USP9X: variants seen among roughly 807,000 people sequenced by gnomAD.
USP9X encodes the protein ubiquitin specific peptidase 9 X-linked.
USP9X carries 7 observed loss-of-function variants against 190.3 expected under a neutral mutation model. That is an observed-to-expected ratio of 0.04 (90% CI 0.02 to 0.07). The LOEUF (loss-of-function observed/expected upper bound fraction) is 0.07, where lower values mean the gene tolerates loss of function less well. USP9X is among the 10% of genes least tolerant of loss of function. The probability of loss-of-function intolerance (pLI) is 1.00; values close to 1 mark genes in which losing one functional copy is unlikely to be tolerated. For synonymous variants in USP9X, 645 were observed against 659.5 expected, an observed-to-expected ratio of 0.98 and a Z score of 0.34; for missense variants, 1,010 against 1,916.9, an observed-to-expected ratio of 0.53 and a Z score of 8.83.
At chrX:41,205,280 T>G (rs773537062) in intron 31 of USP9X, 23 bp from the exon 32 acceptor site, 3 of 1,128,027 alleles carry the variant, frequency 2.7e-6, no homozygotes, top group Admixed American at 2.7e-5. Context: ...TTTAGCTCAT[T>G]GGTGACATTT....
Position 41,093,199 on chromosome X carries a change from T to C in USP9X, c.-159+7090T>C, listed in dbSNP as rs115521115. Among the ~76,000 whole-genome samples, 574 of 111,973 alleles carry C rather than the reference T, an allele frequency of 5.1e-3. 3 individuals carry two copies. The highest frequency in any genetic ancestry group is 0.017 in the African/African-American group (525 of 30,811). On this transcript the variant is annotated intron_variant, in intron 1 of 44. Transcript: ENST00000378308. ...TTGATACACTATATGTTAACAACTC[T>C]GAACCTCCTTTCCTTAAGTCAGGTT... is the stretch of plus-strand genomic sequence containing the variant.
chrX:41,166,724 A>G (rs768598380), intron 16 of USP9X, among the ~76,000 whole-genome samples: 1 of 112,094 alleles, frequency 8.9e-6, no homozygotes, highest in Non-Finnish European at 1.9e-5. Context: ...TATTATGCCT[A>G]TCTTTAATCT....
intron 21 of USP9X, among the ~76,000 whole-genome samples, chrX:41,172,825 T>C (rs1030621726): frequency 8.9e-6 from 1 of 112,048 alleles, no homozygotes; most frequent in Non-Finnish European, 1.9e-5. Context: ...TTTGAAAATA[T>C]ATTCCTTCTG....
rs759736260 is a variant in USP9X, at chrX:41,232,477, T to G, written c.7618T>G (p.Tyr2540Asp). The change falls in exon 45 of 45, where the codon TAT becomes GAT. Residue 2540 changes from tyrosine to aspartate, a missense_variant. Physicochemically the swap from Tyr to Asp is radical, Grantham distance 160. Coordinates refer to ENST00000378308, the MANE Select transcript of USP9X (RefSeq NM_001039591.3). ...AACTGGCCAACGAGCACAAGAAAAT[T>G]ATGAAGGCAGTGAAGAAGTATCCCC... The part of the protein sequence containing the change: ...QRTGQRAQEN[Y>D]EGSEEVSPPQ... 6.6e-6 allele frequency: 8 copies of G among 1,211,209 alleles called. No homozygotes were observed. In the South Asian group the frequency reaches 1.4e-4, roughly 21 times the overall value.
At chrX:41,117,573 C>T (rs866491775) in intron 1 of USP9X, among the ~76,000 whole-genome samples, 5 of 77,989 alleles carry the variant, frequency 6.4e-5, no homozygotes, top group African/African-American at 1.6e-4. Context: ...TTTTTTTTTT[C>T]TTCTTCTTTT....
chrX:41,232,659 T>A lies in USP9X; in HGVS notation c.*135T>A. 1.1e-6 allele frequency: 1 copy of A among 877,450 alleles called. No individual in the cohort carries two copies. The highest frequency in any genetic ancestry group is 1.5e-6 in the Non-Finnish European group (1 of 645,645). The allele number at this position is 877,450 out of a possible 1,213,427, so 72.3% of individuals were successfully genotyped here. A position where few individuals can be genotyped will look rare whatever the true frequency, so the allele number is the denominator to read the frequency against. On this transcript the variant is annotated 3_prime_UTR_variant, in exon 45 of 45. Coordinates refer to ENST00000378308, the MANE Select transcript of USP9X (RefSeq NM_001039591.3). ...CATGGAGTGGAGAGTTTATTCACTG[T>A]CTTATCTGCAGAAATTTGCTGTCAA...
At chrX:41,125,705 C>T (rs1285299755) in intron 2 of USP9X, among the ~76,000 whole-genome samples, 3 of 103,700 alleles carry the variant, frequency 2.9e-5, no homozygotes, top group Admixed American at 2.0e-4. Context: ...CTCTCTCTCT[C>T]TCTCTCTCTC....
intron 11 of USP9X, among the ~76,000 whole-genome samples, chrX:41,146,943 A>G (rs1405619450): frequency 1.1e-4 from 12 of 110,733 alleles, no homozygotes; most frequent in Non-Finnish European, 2.3e-4. Context: ...TCTACCTAAA[A>G]AACAATAATT....
intron 38 of USP9X, among the ~76,000 whole-genome samples, chrX:41,222,700 G>T (rs2063275231): frequency 9.0e-6 from 1 of 110,746 alleles, no homozygotes. Flanking sequence ...GGCAGATCAT[G>T]AGGTCAAGAT....
At chrX:41,139,997 C>G (rs1012888437) in intron 6 of USP9X, among the ~76,000 whole-genome samples, 1 of 111,973 alleles carries the variant, frequency 8.9e-6, no homozygotes, top group Admixed American at 9.5e-5. Context: ...AGCCTCACAA[C>G]TGTTGTCTGT....
intron 2 of USP9X, among the ~76,000 whole-genome samples, chrX:41,125,718 TCGCGCA>T (rs1465164839): frequency 1.0e-5 from 1 of 99,194 alleles, no homozygotes; most frequent in Non-Finnish European, 2.0e-5. Context: ...TCTCTCTCTC[TCGCGCA>T]CGCGCGCGCG....
intron 14 of USP9X, among the ~76,000 whole-genome samples, chrX:41,159,602 A>G (rs1345787073): frequency 9.2e-6 from 1 of 109,263 alleles, no homozygotes; most frequent in Non-Finnish European, 1.9e-5. Context: ...CCAGCTCGGC[A>G]CACTGCAACC....
At chrX:41,168,789 C>G (rs1030140564) in intron 18 of USP9X, among the ~76,000 whole-genome samples, 8 of 112,017 alleles carry the variant, frequency 7.1e-5, no homozygotes, top group Middle Eastern at 4.7e-3. Flanking sequence ...AGCTACAGTG[C>G]CTGGCCTGTA....
At chrX:41,184,370 C>T in intron 22 of USP9X, 27 bp from the exon 23 acceptor site, 1 of 1,161,059 alleles carries the variant, frequency 8.6e-7, no homozygotes, top group Non-Finnish European at 1.2e-6. Flanking sequence ...TAATACAGCC[C>T]TCTCCCCCTC....
chrX:41,123,856 A>G (rs1344680438), intron 2 of USP9X, 132 bp downstream of exon 2: 2 of 547,516 alleles, frequency 3.7e-6, no homozygotes, highest in East Asian at 7.8e-5. Flanking sequence ...CAGCCTGGTC[A>G]ACAGGGTGGA....
rs1285915418 is a variant in USP9X, at chrX:41,091,368, GT to G, written c.-159+5260del. 4.5e-5 allele frequency among the ~76,000 whole-genome samples: 5 copies of G among 111,593 alleles called. No homozygotes were observed. In the East Asian group the frequency reaches 1.4e-3, roughly 31 times the overall value. On this transcript the variant is annotated intron_variant, in intron 1 of 44. Coordinates refer to ENST00000378308, the MANE Select transcript of USP9X (RefSeq NM_001039591.3). Reference sequence around the variant, plus strand: ...TTTTGACCAGAAATTACATACTCTGGTGTCACCCCTTACTCCTGCCATTCCT... The same window carrying G: ...TTTTGACCAGAAATTACATACTCTGGGTCACCCCTTACTCCTGCCATTCCT...
intron 1 of USP9X, 93 bp downstream of exon 1, chrX:41,086,202 T>C (rs767284795): frequency 8.3e-5 from 24 of 288,336 alleles, no homozygotes; most frequent in African/African-American, 6.6e-4. Context: ...TGTGCGTGTG[T>C]GCGAGCCTCT....
At chrX:41,103,578 G>A (rs1020589672) in intron 1 of USP9X, among the ~76,000 whole-genome samples, 2 of 112,029 alleles carry the variant, frequency 1.8e-5, no homozygotes, top group Admixed American at 9.5e-5. Flanking sequence ...CATCTGTCAC[G>A]TTATATTAAT....
At chrX:41,093,430 C>T (rs1248869657) in intron 1 of USP9X, among the ~76,000 whole-genome samples, 2 of 112,018 alleles carry the variant, frequency 1.8e-5, no homozygotes, top group Non-Finnish European at 3.8e-5. Context: ...CCACAACCTC[C>T]GCCTCCTGGG....
Sources: allele counts gnomAD v4.1 joint callset (sites outside exome capture counted in the v4.1 genomes callset), GRCh38; gene constraint gnomAD v4.1.1; transcripts MANE v1.5; gene names NCBI Gene and HGNC (gene_info 2026-07-23, HGNC 2026-07-21).